The following TSPAN11 variants were observed in gnomAD, a reference collection of about 807,000 sequenced individuals.
TSPAN11 encodes tetraspanin-11.
Under a neutral mutation model 32.9 loss-of-function variants are expected in TSPAN11, and 29 were observed. The ratio of observed to expected loss-of-function variants is 0.88; its 90% confidence interval spans 0.66 to 1.20. The LOEUF (loss-of-function observed/expected upper bound fraction) is 1.20, where lower values mean the gene tolerates loss of function less well. TSPAN11 is among the 50% of genes most tolerant of loss of function. The probability of loss-of-function intolerance (pLI) is 0.00; values close to 1 mark genes in which losing one functional copy is unlikely to be tolerated. For synonymous variants in TSPAN11, 140 were observed against 141.3 expected, an observed-to-expected ratio of 0.99 and a Z score of 0.07; for missense variants, 283 against 329.1, an observed-to-expected ratio of 0.86 and a Z score of 1.08.
At chr12:30,978,236 GCAGT>G (rs1475604104) in intron 3 of TSPAN11, 2 of 321,294 alleles carry the variant, frequency 6.2e-6, no homozygotes, top group Non-Finnish European at 5.8e-6. Flanking sequence ...ACACAGCATT[GCAGT>G]CACTCATCTG....
chr12:30,992,022 C>G lies in TSPAN11; in HGVS notation c.*107C>G. On this transcript the variant is annotated 3_prime_UTR_variant, in exon 8 of 8. Transcript: ENST00000546076. The stretch of plus-strand genomic sequence containing the variant: ...CAGCTCCACTAGGGCCATAGATGCC[C>G]CCTCCTTTGTGCCTAGCTCCTGCGA... 2 of 1,276,934 alleles carry G rather than the reference C, an allele frequency of 1.6e-6. No individual in the cohort carries two copies. The highest frequency in any genetic ancestry group is 2.3e-6 in the Non-Finnish European group (2 of 882,166). 79.1% of individuals were successfully genotyped at this position (1,276,934 alleles called of 1,614,324 possible). A position where few individuals can be genotyped will look rare whatever the true frequency, so the allele number is the denominator to read the frequency against.
chr12:30,930,541 T>C (rs533208471), intron 1 of TSPAN11, among the ~76,000 whole-genome samples: 115 of 152,324 alleles, frequency 7.5e-4, no homozygotes, highest in Non-Finnish European at 1.4e-3. Context: ...CCGTGTGTTA[T>C]GTGACCTTGC....
rs915160578 is a variant in TSPAN11, at chr12:30,991,993, G to C, written c.*78G>C. 13 of 1,522,928 alleles carry C rather than the reference G, an allele frequency of 8.5e-6. No individual in the cohort carries two copies. The South Asian group carries it at 1.5e-4, about 17-fold the overall frequency. 94.3% of individuals were successfully genotyped at this position (1,522,928 alleles called of 1,614,324 possible). A position where few individuals can be genotyped will look rare whatever the true frequency, so the allele number is the denominator to read the frequency against. On this transcript the variant is annotated 3_prime_UTR_variant, in exon 8 of 8. Transcript: ENST00000546076. Reference sequence around the variant, plus strand: ...GCCATCTGCAAGGCCTGCAGAGTTAGCACCAGCTCCACTAGGGCCATAGAT... The same window carrying C: ...GCCATCTGCAAGGCCTGCAGAGTTACCACCAGCTCCACTAGGGCCATAGAT...
intron 7 of TSPAN11, 31 bp downstream of exon 7, chr12:30,983,181 G>A (rs1343715700): frequency 6.3e-7 from 1 of 1,589,054 alleles, no homozygotes; most frequent in African/African-American, 1.3e-5. Flanking sequence ...TGGTGGGGGT[G>A]GAAGGGCTCT....
At chr12:30,978,523 C>T (rs1424290718) in intron 3 of TSPAN11, 38 bp from the exon 4 acceptor site, 17 of 1,604,924 alleles carry the variant, frequency 1.1e-5, no homozygotes, top group African/African-American at 5.3e-5. Flanking sequence ...AGCAGCAACC[C>T]GATCCCAGTG....
intron 3 of TSPAN11, among the ~76,000 whole-genome samples, chr12:30,974,423 A>G (rs964144992): frequency 1.3e-5 from 2 of 152,236 alleles, no homozygotes; most frequent in African/African-American, 2.4e-5. Context: ...ACTGGTTGCA[A>G]AATTGTGCCA....
intron 4 of TSPAN11, 26 bp from the exon 5 acceptor site, chr12:30,979,540 G>A: frequency 6.2e-7 from 1 of 1,611,426 alleles, no homozygotes; most frequent in Non-Finnish European, 8.5e-7. Flanking sequence ...TCCCGCTGAT[G>A]GGGACTTCGC....
intron 7 of TSPAN11, among the ~76,000 whole-genome samples, chr12:30,986,540 A>T (rs1939204232): frequency 6.6e-6 from 1 of 152,158 alleles, no homozygotes; most frequent in African/African-American, 2.4e-5. Context: ...AGGGTTTCCA[A>T]TACAGCTTGA....
At chr12:30,958,334 G>A (rs1349353946) in intron 2 of TSPAN11, among the ~76,000 whole-genome samples, 1 of 152,204 alleles carries the variant, frequency 6.6e-6, no homozygotes, top group Non-Finnish European at 1.5e-5. Flanking sequence ...GCCTATCCTT[G>A]AAGATTCCAT....
chr12:30,968,332 A>G (rs1938780311), intron 3 of TSPAN11, among the ~76,000 whole-genome samples: 1 of 152,266 alleles, frequency 6.6e-6, no homozygotes, highest in African/African-American at 2.4e-5. Context: ...CCACACAGGC[A>G]CGATGTCTGT....
At chr12:30,946,673 C>T (rs1938274658) in intron 1 of TSPAN11, among the ~76,000 whole-genome samples, 1 of 152,180 alleles carries the variant, frequency 6.6e-6, no homozygotes, top group Non-Finnish European at 1.5e-5. Context: ...TCCTCTGAGC[C>T]CTGGAGCATT....
At chr12:30,971,619 A>G (rs1462942126) in intron 3 of TSPAN11, among the ~76,000 whole-genome samples, 1 of 152,076 alleles carries the variant, frequency 6.6e-6, no homozygotes, top group African/African-American at 2.4e-5. Flanking sequence ...GCATGGTGGT[A>G]TGCACCTGTA....
chr12:30,948,045 A>G (rs1020002307), intron 1 of TSPAN11, among the ~76,000 whole-genome samples: 8 of 152,142 alleles, frequency 5.3e-5, no homozygotes, highest in African/African-American at 1.9e-4. Context: ...CAAGTCCAAA[A>G]TCCAGCAGGG....
chr12:31,001,651 G>A, the TSPAN11 span, among the ~76,000 whole-genome samples: 4 of 152,264 alleles, frequency 2.6e-5, no homozygotes, highest in Middle Eastern at 6.8e-3. Flanking sequence ...GCCACAGCTC[G>A]TAAGCCACCC....
chr12:30,989,645 C>T (rs2140313044), intron 7 of TSPAN11, among the ~76,000 whole-genome samples: 1 of 152,338 alleles, frequency 6.6e-6, no homozygotes, highest in African/African-American at 2.4e-5. Context: ...CCACCTCCAA[C>T]ATGCTCAGCT....
At position 30,994,736 on chromosome 12, in the gene TSPAN11, G is replaced by T. The variant is rs1939384462; in HGVS notation, c.*2821G>T. ...ATTTTTTTGTGTTTACCAAGGTCCTGCTGTGCACTTAGAATCTGTCACCAT... is the reference window on the plus strand; with the variant it reads ...ATTTTTTTGTGTTTACCAAGGTCCTTCTGTGCACTTAGAATCTGTCACCAT... On this transcript the variant is annotated 3_prime_UTR_variant, in exon 8 of 8. Transcript: ENST00000546076. 1 of 152,206 alleles carries T rather than the reference G, an allele frequency of 6.6e-6. No homozygotes were observed. Among genetic ancestry groups the T allele is most frequent in the African/African-American group, 2.4e-5 (1 of 41,444 alleles). The allele number at this position is 152,206 out of a possible 1,614,324, so 9.4% of individuals were successfully genotyped here.
At chr12:30,948,525 G>A (rs1179038967) in intron 1 of TSPAN11, among the ~76,000 whole-genome samples, 1 of 152,172 alleles carries the variant, frequency 6.6e-6, no homozygotes, top group African/African-American at 2.4e-5. Context: ...AGCTGCCAAG[G>A]CTTGGGGCTT....
At chr12:31,010,220 G>C in the TSPAN11 span, among the ~76,000 whole-genome samples, 55 of 152,148 alleles carry the variant, frequency 3.6e-4, no homozygotes, top group Non-Finnish European at 7.2e-4. Flanking sequence ...AAGGCTCAGA[G>C]GTGTGACTTG....
In TSPAN11 at chr12:30,992,116, C is replaced by G. The variant is rs1047331172; in HGVS notation, c.*201C>G. Reference sequence around the variant, plus strand: ...CAGAGACCCTCGGCCCCCTCTCCTCCATTTCTGAGCCCCCATGGCCAGATC... The same window carrying G: ...CAGAGACCCTCGGCCCCCTCTCCTCGATTTCTGAGCCCCCATGGCCAGATC... On this transcript the variant is annotated 3_prime_UTR_variant, in exon 8 of 8. Coordinates refer to ENST00000546076, the MANE Select transcript of TSPAN11 (RefSeq NM_001370302.1). 1.6e-6 allele frequency: 1 copy of G among 626,282 alleles called. No homozygotes were observed. The highest frequency in any genetic ancestry group is 2.9e-6 in the Non-Finnish European group (1 of 350,204). The allele number at this position is 626,282 out of a possible 1,614,324, so 38.8% of individuals were successfully genotyped here.
Sources: allele counts gnomAD v4.1 joint callset (sites outside exome capture counted in the v4.1 genomes callset), GRCh38; gene constraint gnomAD v4.1.1; transcripts MANE v1.5; gene names NCBI Gene and HGNC (gene_info 2026-07-23, HGNC 2026-07-21).